Variants in SLC24A3 observed in about 807,000 individuals in gnomAD.
SLC24A3 encodes the protein sodium/potassium/calcium exchanger 3.
A neutral mutation model predicts 75.8 loss-of-function variants in SLC24A3; 28 were observed. The ratio of observed to expected loss-of-function variants is 0.37; its 90% CI spans 0.27 to 0.51. The LOEUF (loss-of-function observed/expected upper bound fraction) is 0.51, where lower values mean the gene tolerates loss of function less well. Ranked by LOEUF, SLC24A3 falls within the 20% of genes least tolerant of loss-of-function variation. The pLI, the probability that SLC24A3 is intolerant of heterozygous loss-of-function variation, is 0.94. For synonymous variants in SLC24A3, 372 were observed against 334.1 expected (o/e 1.11, Z -1.24); for missense variants, 663 against 847.8 (o/e 0.78, Z 2.71).
chr20:19,630,708 C>T (rs910856717), intron 6 of SLC24A3, among the ~76,000 whole-genome samples: 3 of 152,194 alleles, frequency 2.0e-5, no homozygotes, highest in African/African-American at 4.8e-5. Flanking sequence ...TTTCATAGCT[C>T]TGACATAAGC....
intron 16 of SLC24A3, among the ~76,000 whole-genome samples, chr20:19,718,970 G>T (rs2033070850): frequency 6.6e-6 from 1 of 151,622 alleles, no homozygotes; most frequent in South Asian, 2.1e-4. Context: ...GATGCTTACA[G>T]GTCAGGATGA....
At chr20:19,392,424 A>G (rs1986383278) in intron 2 of SLC24A3, among the ~76,000 whole-genome samples, 1 of 152,196 alleles carries the variant, frequency 6.6e-6, no homozygotes. Flanking sequence ...AAAGTTTTAG[A>G]GAAGACTTAT....
chr20:19,630,445 A>G (rs185897596), intron 6 of SLC24A3, among the ~76,000 whole-genome samples: 4 of 152,322 alleles, frequency 2.6e-5, no homozygotes, highest in Middle Eastern at 3.4e-3. Context: ...TGCTACTTAC[A>G]CTGACCAGGT....
intron 3 of SLC24A3, among the ~76,000 whole-genome samples, chr20:19,547,881 G>C (rs1434126773): frequency 6.6e-6 from 1 of 152,246 alleles, no homozygotes; most frequent in African/African-American, 2.4e-5. Flanking sequence ...CAGCCCAGAA[G>C]TCAGGACATC....
intron 6 of SLC24A3, among the ~76,000 whole-genome samples, chr20:19,602,355 T>C (rs1235683132): frequency 6.6e-6 from 1 of 152,160 alleles, no homozygotes; most frequent in Non-Finnish European, 1.5e-5. Flanking sequence ...CTCATCAGTG[T>C]TGGTGTCAAT....
intron 2 of SLC24A3, among the ~76,000 whole-genome samples, chr20:19,369,856 G>A (rs1207649268): frequency 6.6e-6 from 1 of 152,066 alleles, no homozygotes; most frequent in Non-Finnish European, 1.5e-5. Context: ...TTGTAGAGTT[G>A]AGAGTTTCAC....
intron 6 of SLC24A3, among the ~76,000 whole-genome samples, chr20:19,613,012 A>G (rs1463606049): frequency 2.6e-5 from 4 of 152,140 alleles, no homozygotes; most frequent in African/African-American, 4.8e-5. Flanking sequence ...GACTTTGTTC[A>G]TGGACATCTG....
intron 2 of SLC24A3, among the ~76,000 whole-genome samples, chr20:19,370,476 T>C (rs6081579): frequency 1.3e-5 from 2 of 152,110 alleles, no homozygotes; most frequent in Non-Finnish European, 2.9e-5. Flanking sequence ...TAAGAAATGT[T>C]CCTGCCATCT....
intron 2 of SLC24A3, among the ~76,000 whole-genome samples, chr20:19,354,614 GTGTGTGTGTA>G (rs60427293): frequency 0.1 from 15,057 of 150,128 alleles, 1,972 homozygotes; most frequent in African/African-American, 0.31. Context: ...GTGTGTGTGT[GTGTGTGTGTA>G]TGTGTGTATG....
intron 2 of SLC24A3, among the ~76,000 whole-genome samples, chr20:19,510,696 G>C (rs1988523050): frequency 6.6e-6 from 1 of 152,208 alleles, no homozygotes; most frequent in African/African-American, 2.4e-5. Context: ...CTGATATGTA[G>C]ATACTGTAAG....
chr20:19,353,811 C>A (rs1207830434), intron 2 of SLC24A3, among the ~76,000 whole-genome samples: 1 of 152,146 alleles, frequency 6.6e-6, no homozygotes, highest in African/African-American at 2.4e-5. Flanking sequence ...AGTTTAAAAG[C>A]TGACAATACC....
At chr20:19,639,981 G>C (rs1010880335) in intron 6 of SLC24A3, among the ~76,000 whole-genome samples, 5 of 152,242 alleles carry the variant, frequency 3.3e-5, no homozygotes, top group Non-Finnish European at 5.9e-5. Flanking sequence ...GCCCGCAAGC[G>C]CGGAGCGCAG....
At chr20:19,494,963 C>G (rs1177306185) in intron 2 of SLC24A3, among the ~76,000 whole-genome samples, 1 of 152,118 alleles carries the variant, frequency 6.6e-6, no homozygotes, top group African/African-American at 2.4e-5. Context: ...GAAACAGGAT[C>G]AGGCAGGAAA....
intron 2 of SLC24A3, among the ~76,000 whole-genome samples, chr20:19,393,211 T>C (rs1986395648): frequency 6.6e-6 from 1 of 152,210 alleles, no homozygotes; most frequent in African/African-American, 2.4e-5. Flanking sequence ...CATCATTCTT[T>C]ATGATGAAAG....
chr20:19,274,482 G>A (rs957983056), intron 1 of SLC24A3, among the ~76,000 whole-genome samples: 2 of 152,134 alleles, frequency 1.3e-5, no homozygotes. Context: ...TTTGGGGGAT[G>A]TGTGGCCCTG....
chr20:19,441,651 C>T (rs116121235), intron 2 of SLC24A3, among the ~76,000 whole-genome samples: 3,290 of 152,192 alleles, frequency 0.022, 111 homozygotes, highest in African/African-American at 0.075. Context: ...ACATTTATTA[C>T]GATTGATGAA....
chr20:19,572,310 A>T (rs2031065227), intron 3 of SLC24A3, among the ~76,000 whole-genome samples: 1 of 152,192 alleles, frequency 6.6e-6, no homozygotes, highest in Non-Finnish European at 1.5e-5. Flanking sequence ...CATGCCACTG[A>T]ACTCCAGTCT....
At chr20:19,374,906 C>T (rs910252) in intron 2 of SLC24A3, among the ~76,000 whole-genome samples, 53,393 of 152,030 alleles carry the variant, frequency 0.35, 10,230 homozygotes, top group Middle Eastern at 0.55. Flanking sequence ...CACCCATAGC[C>T]GATGATGGGA....
rs1015237219 is a variant in SLC24A3, at chr20:19,584,968, T to C, written c.424-3T>C. 4.3e-6 allele frequency: 7 copies of C among 1,613,038 alleles called. No individual in the cohort carries two copies. In the East Asian group the frequency reaches 1.3e-4, roughly 31 times the overall value. On this transcript the variant is annotated splice_region_variant and splice_polypyrimidine_tract_variant and intron_variant, in intron 4 of 16. Coordinates refer to ENST00000328041, the MANE Select transcript of SLC24A3 (RefSeq NM_020689.4). ...CCTGTGCTTTGTCTTTGCTCCTCTGTAGCGCCTGCACCTCAGTGAAGATGT... is the reference window on the plus strand; with the variant it reads ...CCTGTGCTTTGTCTTTGCTCCTCTGCAGCGCCTGCACCTCAGTGAAGATGT...
Sources: allele counts gnomAD v4.1 joint callset (sites outside exome capture counted in the v4.1 genomes callset), GRCh38; gene constraint gnomAD v4.1.1; transcripts MANE v1.5; gene names NCBI Gene and HGNC (gene_info 2026-07-23, HGNC 2026-07-21).